Variants in PAX2 observed in about 807,000 individuals in gnomAD.
The protein encoded by PAX2 is paired box 2.
PAX2 carries 9 observed loss-of-function variants against 41.7 expected under a neutral mutation model. That is an observed-to-expected ratio of 0.22 (90% confidence interval 0.13 to 0.38). The LOEUF is 0.38. Among genes scored for constraint, PAX2 ranks in the 10% least tolerant of loss-of-function variants. The pLI, the probability that PAX2 is intolerant of heterozygous loss-of-function variation, is 1.00. For missense variants in PAX2, 418 were observed against 531.6 expected (o/e 0.79, Z 2.10); for synonymous variants, 221 against 212.7 (o/e 1.04, Z -0.34).
intron 7 of PAX2, among the ~76,000 whole-genome samples, chr10:100,820,908 T>G (rs1353344497): frequency 6.6e-6 from 1 of 152,242 alleles, no homozygotes; most frequent in Non-Finnish European, 1.5e-5. Flanking sequence ...ATTTTATAAC[T>G]GATGTATTCT....
chr10:100,807,643 T>C (rs1470536963), intron 6 of PAX2, among the ~76,000 whole-genome samples: 1 of 152,118 alleles, frequency 6.6e-6, no homozygotes, highest in Non-Finnish European at 1.5e-5. Context: ...AGCATACCCC[T>C]AGCATATGCC....
At chr10:100,747,689 T>C (rs1478816576) in intron 1 of PAX2, 5 of 984,644 alleles carry the variant, frequency 5.1e-6, no homozygotes, top group Non-Finnish European at 6.0e-6. Context: ...TAAAAATACT[T>C]CTGGGATAAA....
chr10:100,796,389 A>C (rs1847339162), intron 5 of PAX2, among the ~76,000 whole-genome samples: 1 of 152,204 alleles, frequency 6.6e-6, no homozygotes, highest in Non-Finnish European at 1.5e-5. Flanking sequence ...CTTTGAAAAC[A>C]CGATTTTTTA....
At chr10:100,763,543 G>A (rs1845908513) in intron 3 of PAX2, among the ~76,000 whole-genome samples, 1 of 152,224 alleles carries the variant, frequency 6.6e-6, no homozygotes, top group Non-Finnish European at 1.5e-5. Flanking sequence ...ATTGGAACGA[G>A]CACAGCTGGT....
At chr10:100,749,664 C>A (rs1429989314) in intron 1 of PAX2, 82 bp from the exon 2 acceptor site, 2 of 1,546,202 alleles carry the variant, frequency 1.3e-6, no homozygotes, top group Non-Finnish European at 8.7e-7. Flanking sequence ...GCTTCCTTCG[C>A]CCGTCCCGGG....
chr10:100,792,932 C>CT (rs1847184118), intron 5 of PAX2, among the ~76,000 whole-genome samples: 1 of 152,206 alleles, frequency 6.6e-6, no homozygotes, highest in Non-Finnish European at 1.5e-5. Flanking sequence ...AATTAATGGC[C>CT]TTTACTGTCG....
rs951090910 is a variant in PAX2, at chr10:100,758,943, G to A, written c.410+8052G>A. ...ACTCCCTATAGCCGGAGGAGGAGAGGTGGGGTGTGGGTAGGGAGAGGCAGA... is the reference window on the plus strand; with the variant it reads ...ACTCCCTATAGCCGGAGGAGGAGAGATGGGGTGTGGGTAGGGAGAGGCAGA... On this transcript the variant is annotated intron_variant, in intron 3 of 9. Transcript: ENST00000355243. Among the ~76,000 whole-genome samples, 4 of 152,238 alleles carry A rather than the reference G, an allele frequency of 2.6e-5. 1 individual carries two copies. Among genetic ancestry groups the A allele is most frequent in the Admixed American group, 6.5e-5 (1 of 15,290 alleles).
intron 3 of PAX2, among the ~76,000 whole-genome samples, chr10:100,770,081 G>A (rs750574116): frequency 1.3e-4 from 20 of 152,190 alleles, no homozygotes; most frequent in Non-Finnish European, 2.1e-4. Context: ...AAAGACTGAC[G>A]GACTGTTTTT....
In PAX2 at chr10:100,827,860, C is replaced by T. The variant is rs867003660; in HGVS notation, c.*241C>T. 2 of 579,612 alleles carry T rather than the reference C, an allele frequency of 3.5e-6. No individual in the cohort carries two copies. Among genetic ancestry groups the T allele is most frequent in the South Asian group, 2.0e-5 (1 of 49,100 alleles). 35.9% of individuals were successfully genotyped at this position (579,612 alleles called of 1,614,324 possible). ...CCGGGCCCGCCGCCCCCAGCCCCGC[C>T]TGCCGCCCCTCCCCGCCTGCCTGGA... On this transcript the variant is annotated 3_prime_UTR_variant, in exon 10 of 10. Coordinates refer to ENST00000355243, the MANE Select transcript of PAX2 (RefSeq NM_000278.5). This position sits in a 1 kb window ranked among gnomAD's most constrained non-coding sequence, Gnocchi z 8.5.
chr10:100,808,651 GT>G lies in PAX2; in HGVS notation c.793-454del, dbSNP rs150819342. Among the ~76,000 whole-genome samples the G allele has an allele frequency of 9.5e-3, 1,443 of 152,118 alleles. 20 individuals carry two copies. Among genetic ancestry groups the G allele is most frequent in the South Asian group, 0.044 (210 of 4,808 alleles). ...GGGGCCCATGGGGCTGTCATTGTTTGTTTTTAAAAAAGGGGCGCCCATACCC... is the reference window on the plus strand; with the variant it reads ...GGGGCCCATGGGGCTGTCATTGTTTGTTTTAAAAAAGGGGCGCCCATACCC... On this transcript the variant is annotated intron_variant, in intron 6 of 9. Transcript: ENST00000355243.
intron 5 of PAX2, among the ~76,000 whole-genome samples, chr10:100,782,074 T>A (rs899756869): frequency 6.6e-6 from 1 of 152,160 alleles, no homozygotes; most frequent in Admixed American, 6.5e-5. Flanking sequence ...TGGGGGTCCC[T>A]TGGTGACCAT....
chr10:100,769,626 GAATAAAATAA>G lies in PAX2; in HGVS notation c.411-9834_411-9825del, dbSNP rs60896393. Among the ~76,000 whole-genome samples the G allele has an allele frequency of 5.0e-3, 636 of 126,988 alleles. 1 individual carries two copies. Among genetic ancestry groups the G allele is most frequent in the East Asian group, 0.014 (63 of 4,644 alleles). 83.3% of individuals were successfully genotyped at this position (126,988 alleles called of 152,430 possible). A position where few individuals can be genotyped will look rare whatever the true frequency, so the allele number is the denominator to read the frequency against. The stretch of plus-strand genomic sequence containing the variant: ...ACAGTGTGAGACTCCATCTCAAAAA[GAATAAAATAA>G]AATAAAATAAAATAAAATAAAATAA... On this transcript the variant is annotated intron_variant, in intron 3 of 9. Coordinates refer to ENST00000355243, the MANE Select transcript of PAX2 (RefSeq NM_000278.5).
intron 3 of PAX2, among the ~76,000 whole-genome samples, chr10:100,764,113 C>A (rs996319895): frequency 6.2e-5 from 9 of 145,372 alleles, no homozygotes; most frequent in African/African-American, 2.3e-4. Flanking sequence ...ATGCATTCTG[C>A]TTTGTGTATG....
At chr10:100,805,047 C>G (rs1847724568) in intron 5 of PAX2, among the ~76,000 whole-genome samples, 2 of 150,130 alleles carry the variant, frequency 1.3e-5, no homozygotes, top group African/African-American at 4.9e-5. Flanking sequence ...CACACACACA[C>G]ACACACACAC....
Position 100,829,138 on chromosome 10 carries a change from G to C in PAX2, c.*1519G>C, listed in dbSNP as rs1318944367. Reference sequence around the variant, plus strand: ...AAAAGAAATCTCTATGCAAAATGACGAACATGGTCCTGTGGACTCCTCTGG... The same window carrying C: ...AAAAGAAATCTCTATGCAAAATGACCAACATGGTCCTGTGGACTCCTCTGG... On this transcript the variant is annotated 3_prime_UTR_variant, in exon 10 of 10. Coordinates refer to ENST00000355243, the MANE Select transcript of PAX2 (RefSeq NM_000278.5). The C allele has an allele frequency of 4.3e-6, 1 of 231,390 alleles. No individual in the cohort carries two copies. The highest frequency in any genetic ancestry group is 8.6e-6 in the Non-Finnish European group (1 of 116,752). 14.3% of individuals were successfully genotyped at this position (231,390 alleles called of 1,614,324 possible). A position where few individuals can be genotyped will look rare whatever the true frequency, so the allele number is the denominator to read the frequency against.
chr10:100,756,803 G>A (rs915550924), intron 3 of PAX2, among the ~76,000 whole-genome samples: 6 of 152,082 alleles, frequency 3.9e-5, no homozygotes, highest in East Asian at 3.9e-4. Context: ...CACTTCCCCC[G>A]CCCCTCCAAG....
intron 1 of PAX2, among the ~76,000 whole-genome samples, chr10:100,738,305 G>A (rs1414878906): frequency 6.6e-6 from 1 of 152,220 alleles, no homozygotes; most frequent in Non-Finnish European, 1.5e-5. Flanking sequence ...GTGTTGACCT[G>A]CAGGATTGAT....
Position 100,748,945 on chromosome 10 carries a change from G to A in PAX2, c.44-801G>A. 1 of 985,374 alleles carries A rather than the reference G, an allele frequency of 1.0e-6. No individual in the cohort carries two copies. The highest frequency in any genetic ancestry group is 1.2e-6 in the Non-Finnish European group (1 of 829,908). 61.0% of individuals were successfully genotyped at this position (985,374 alleles called of 1,614,324 possible). ...CAGGCTCTGCGAGGCGCGGCAGGCA[G>A]GCGAGCCCAAGCAGCCGGCATTCTC... On this transcript the variant is annotated intron_variant, in intron 1 of 9. Transcript: ENST00000355243. The surrounding 1 kb of genome is among the most constrained non-coding windows in gnomAD (Gnocchi z 5.0).
chr10:100,738,939 AGG>A (rs1844856656), intron 1 of PAX2, among the ~76,000 whole-genome samples: 1 of 151,370 alleles, frequency 6.6e-6, no homozygotes, highest in African/African-American at 2.4e-5. Context: ...CGCCTGGGGC[AGG>A]GGTCTCACCC....
Sources: gnomAD v4.1 joint callset for allele counts (sites outside exome capture counted in the v4.1 genomes callset) on GRCh38, gnomAD v4.1.1 for gene constraint, Gnocchi (gnomAD v3.1) non-coding constraint, MANE v1.5 for transcripts, NCBI Gene and HGNC (gene_info 2026-07-23, HGNC 2026-07-21) for gene names.